The following ADAM12 variants were observed in gnomAD, a reference collection of about 807,000 sequenced individuals.
The protein encoded by ADAM12 is ADAM metallopeptidase domain 12.
Under a neutral mutation model 106.4 loss-of-function variants are expected in ADAM12, and 70 were observed. That is an observed-to-expected ratio of 0.66 (90% CI 0.54 to 0.80). The LOEUF is 0.80. Among genes scored for constraint, ADAM12 ranks in the 30% least tolerant of loss-of-function variants. The probability of loss-of-function intolerance (pLI) is 0.00; values close to 1 mark genes in which losing one functional copy is unlikely to be tolerated. For synonymous variants in ADAM12, 420 were observed against 433.5 expected (o/e 0.97, Z 0.39); for missense variants, 1,010 against 1,171.9 (o/e 0.86, Z 2.02).
intron 1 of ADAM12, among the ~76,000 whole-genome samples, chr10:126,368,470 G>A (rs1264366682): frequency 1.3e-5 from 2 of 150,416 alleles, no homozygotes; most frequent in Non-Finnish European, 3.0e-5. Flanking sequence ...ATTACTATGA[G>A]TTTATCAATA....
chr10:126,093,958 A>G, intron 11 of ADAM12, 27 bp downstream of exon 11: 1 of 1,613,346 alleles, frequency 6.2e-7, no homozygotes, highest in Non-Finnish European at 8.5e-7. Flanking sequence ...GCACACTGTC[A>G]AAGCAGATGG....
At chr10:126,318,127 A>C (rs1466796177) in intron 2 of ADAM12, among the ~76,000 whole-genome samples, 3 of 152,154 alleles carry the variant, frequency 2.0e-5, no homozygotes, top group African/African-American at 7.2e-5. Context: ...GGCTGACTTT[A>C]GGACAGGTAC....
At chr10:126,058,647 C>A (rs547439846) in intron 14 of ADAM12, among the ~76,000 whole-genome samples, 2 of 152,178 alleles carry the variant, frequency 1.3e-5, no homozygotes, top group South Asian at 2.1e-4. Context: ...CTCAAAGGCA[C>A]GGAGCCCGCA....
At chr10:126,020,992 C>CAA (rs3067295) in intron 21 of ADAM12, among the ~76,000 whole-genome samples, 10,484 of 98,134 alleles carry the variant, frequency 0.11, 726 homozygotes, top group South Asian at 0.24. Context: ...GACTCTGTCT[C>CAA]AAAAAAAAAA....
intron 2 of ADAM12, among the ~76,000 whole-genome samples, chr10:126,322,024 CTCGGGCA>C (rs1854120099): frequency 1.3e-5 from 2 of 152,066 alleles, no homozygotes; most frequent in African/African-American, 4.8e-5. Flanking sequence ...AACTATGGCC[CTCGGGCA>C]AAGCCAATGC....
intron 5 of ADAM12, among the ~76,000 whole-genome samples, chr10:126,125,930 G>A (rs901509662): frequency 6.6e-6 from 1 of 151,698 alleles, no homozygotes; most frequent in African/African-American, 2.4e-5. Flanking sequence ...TAGCAGGGAT[G>A]GCCAGAAGCC....
Position 126,388,389 on chromosome 10 carries a change from G to A in ADAM12, c.-244C>T, listed in dbSNP as rs1235963616. On this transcript the variant is annotated 5_prime_UTR_variant, in exon 1 of 23. Coordinates refer to ENST00000448723, the MANE Select transcript of ADAM12 (RefSeq NM_001288973.2). This position sits in a 1 kb window ranked among gnomAD's most constrained non-coding sequence, Gnocchi z 4.4. ...GCGCGCGCCGTTCTGGCACAAGCCA[G>A]CCTTGACCGTTGCAATAAATGAGCA... 1.3e-5 allele frequency: 5 copies of A among 389,922 alleles called. No individual in the cohort carries two copies. Among genetic ancestry groups the A allele is most frequent in the Middle Eastern group, 7.7e-4 (1 of 1,292 alleles). The allele number at this position is 389,922 out of a possible 1,614,324, so 24.2% of individuals were successfully genotyped here.
At chr10:126,042,881 G>T (rs1954212312) in intron 18 of ADAM12, among the ~76,000 whole-genome samples, 159 bp downstream of exon 18, 1 of 152,214 alleles carries the variant, frequency 6.6e-6, no homozygotes, top group African/African-American at 2.4e-5. Flanking sequence ...GATGAGAGGG[G>T]CATCTGGAAA....
chr10:126,266,647 A>G (rs1035079023), intron 3 of ADAM12, among the ~76,000 whole-genome samples: 2 of 152,150 alleles, frequency 1.3e-5, no homozygotes, highest in Non-Finnish European at 2.9e-5. Context: ...TTAAGAAGAA[A>G]AGAGGTTTAA....
At chr10:126,224,049 A>C (rs1241160609) in intron 3 of ADAM12, among the ~76,000 whole-genome samples, 1 of 152,132 alleles carries the variant, frequency 6.6e-6, no homozygotes, top group African/African-American at 2.4e-5. Flanking sequence ...CATGACCCCC[A>C]CCAGCTAAGG....
At chr10:126,191,782 A>G (rs1407558608) in intron 3 of ADAM12, among the ~76,000 whole-genome samples, 3 of 152,362 alleles carry the variant, frequency 2.0e-5, no homozygotes, top group Non-Finnish European at 2.9e-5. Flanking sequence ...AACTAGCTCT[A>G]TTAGTCCACT....
At chr10:126,336,996 C>G (rs933510144) in intron 1 of ADAM12, among the ~76,000 whole-genome samples, 11 of 152,186 alleles carry the variant, frequency 7.2e-5, no homozygotes, top group African/African-American at 2.2e-4. Context: ...GCAAGAGGAT[C>G]AAATGAGATC....
chr10:126,310,843 A>G (rs1961051683), intron 2 of ADAM12, among the ~76,000 whole-genome samples: 1 of 152,186 alleles, frequency 6.6e-6, no homozygotes, highest in Non-Finnish European at 1.5e-5. Flanking sequence ...TTTGGTGAGA[A>G]TGGGACCAAA....
intron 13 of ADAM12, among the ~76,000 whole-genome samples, chr10:126,065,886 G>T (rs936263697): frequency 1.3e-5 from 2 of 152,112 alleles, no homozygotes; most frequent in African/African-American, 2.4e-5. Context: ...TCCTTCACCA[G>T]TTACTGGGAG....
chr10:126,206,643 A>C (rs930923527), intron 3 of ADAM12, among the ~76,000 whole-genome samples: 2 of 152,234 alleles, frequency 1.3e-5, no homozygotes, highest in Non-Finnish European at 2.9e-5. Flanking sequence ...GGCAATTATA[A>C]GATTACATGG....
intron 3 of ADAM12, among the ~76,000 whole-genome samples, chr10:126,260,895 C>T (rs1286894982): frequency 1.3e-5 from 2 of 152,054 alleles, no homozygotes; most frequent in East Asian, 3.9e-4. Flanking sequence ...TACAATTGGC[C>T]CTCCGCATCC....
intron 3 of ADAM12, among the ~76,000 whole-genome samples, chr10:126,156,687 G>A (rs1305629452): frequency 6.6e-6 from 1 of 152,202 alleles, no homozygotes; most frequent in Non-Finnish European, 1.5e-5. Flanking sequence ...TTTGGGTGGA[G>A]CATCCTGCAA....
intron 14 of ADAM12, among the ~76,000 whole-genome samples, chr10:126,051,572 TCCATCCATCCATCCATCCAG>T (rs1954496177): frequency 1.2e-5 from 1 of 85,498 alleles, no homozygotes; most frequent in Non-Finnish European, 2.3e-5. Flanking sequence ...CATCCATCCA[TCCATCCATCCATCCATCCAG>T]CCAGCCAGCC....
At chr10:126,289,620 C>A (rs780753789) in intron 2 of ADAM12, among the ~76,000 whole-genome samples, 4 of 152,194 alleles carry the variant, frequency 2.6e-5, no homozygotes, top group Non-Finnish European at 4.4e-5. Flanking sequence ...CTAGGAGCAT[C>A]CTAGGTTGAA....
Sources: allele counts gnomAD v4.1 joint callset (sites outside exome capture counted in the v4.1 genomes callset), GRCh38; gene constraint gnomAD v4.1.1; non-coding constraint Gnocchi (gnomAD v3.1); transcripts MANE v1.5; gene names NCBI Gene and HGNC (gene_info 2026-07-23, HGNC 2026-07-21).